Variants in TOP1MT observed in about 807,000 individuals in gnomAD.
The protein encoded by TOP1MT is DNA topoisomerase I mitochondrial, also known as DNA topoisomerase I, mitochondrial.
A neutral mutation model predicts 73.9 loss-of-function variants in TOP1MT; 80 were observed. The observed-to-expected ratio is 1.08, with a 90% CI of 0.90 to 1.30. The LOEUF (loss-of-function observed/expected upper bound fraction) is 1.30. Ranked by LOEUF, TOP1MT falls within the 50% of genes most tolerant of loss-of-function variation. The probability of loss-of-function intolerance (pLI) is 0.00; values close to 1 mark genes in which losing one functional copy is unlikely to be tolerated. For synonymous variants in TOP1MT, 338 were observed against 326.4 expected (o/e 1.04, Z -0.38); for missense variants, 815 against 808.0 (o/e 1.01, Z -0.10).
chr8:143,314,445 T>C (rs1816096512), intron 12 of TOP1MT, among the ~76,000 whole-genome samples: 1 of 151,848 alleles, frequency 6.6e-6, no homozygotes, highest in Non-Finnish European at 1.5e-5. Context: ...AATAAATAAA[T>C]GAGCCGGGCG....
At chr8:143,354,063 C>T (rs1209426663) in intron 1 of TOP1MT, among the ~76,000 whole-genome samples, 2 of 151,170 alleles carry the variant, frequency 1.3e-5, no homozygotes, top group East Asian at 1.9e-4. Context: ...GCTACATACC[C>T]GAAAGCACTG....
upstream of TOP1MT, among the ~76,000 whole-genome samples, chr8:143,337,876 T>A (rs545021616): frequency 6.6e-6 from 1 of 152,314 alleles, no homozygotes; most frequent in Admixed American, 6.5e-5. Context: ...GATTCCAGAC[T>A]TCTTATGAGG....
In TOP1MT at chr8:143,334,708, G is replaced by C. The variant is rs771683746; in HGVS notation, c.122+32C>G. The C allele has an allele frequency of 2.5e-6, 4 of 1,596,790 alleles. No homozygotes were observed. In the African/African-American group the frequency reaches 5.6e-5, roughly 22 times the overall value. ...GACCTACCCAAGCCCGGTGCTCAGG[G>C]CCCTCGCCGCCTGCTCACTGGGACA... is the stretch of plus-strand genomic sequence containing the variant. On this transcript the variant is annotated intron_variant, in intron 1 of 13. Coordinates refer to ENST00000329245, the MANE Select transcript of TOP1MT (RefSeq NM_052963.3).
Position 143,341,643 on chromosome 8 carries a change from C to T in TOP1MT, c.29+1577G>A, listed in dbSNP as rs1325438419. Among the ~76,000 whole-genome samples, 1 of 152,230 alleles carries T rather than the reference C, an allele frequency of 6.6e-6. No homozygotes were observed. The highest frequency in any genetic ancestry group is 2.4e-5 in the African/African-American group (1 of 41,464). ...TTGTGGCCTCTGTCAGGAGCAGAAA[C>T]CAAGGGCAATGAACAAAGGAGCCAG... On this transcript the variant is annotated intron_variant, in intron 2 of 5. Coordinates refer to the TOP1MT transcript ENST00000518007. This position sits in a 1 kb window ranked among gnomAD's most constrained non-coding sequence, Gnocchi z 4.1.
chr8:143,314,996 C>T (rs544057640), intron 12 of TOP1MT, among the ~76,000 whole-genome samples: 21 of 152,276 alleles, frequency 1.4e-4, no homozygotes, highest in African/African-American at 4.3e-4. Context: ...CTTGGTCTAG[C>T]GGTAACGCCA....
At position 143,318,207 on chromosome 8, in the gene TOP1MT, C is replaced by A. The variant is rs552440954; in HGVS notation, c.1147-121G>T. 1.2e-5 allele frequency: 10 copies of A among 807,428 alleles called. No homozygotes were observed. In the Admixed American group the frequency reaches 1.5e-4, roughly 12 times the overall value. The allele number at this position is 807,428 out of a possible 1,614,324, so 50.0% of individuals were successfully genotyped here. A position where few individuals can be genotyped will look rare whatever the true frequency, so the allele number is the denominator to read the frequency against. On this transcript the variant is annotated intron_variant, in intron 8 of 13. Coordinates refer to ENST00000329245, the MANE Select transcript of TOP1MT (RefSeq NM_052963.3). ...GCTTCCCTGAGGAAGGTGGCCCGAG[C>A]AGCATCACCGTCACCTGTCGGCATC...
Position 143,350,825 on chromosome 8 carries a change from T to G in TOP1MT, c.-39+5140A>C, listed in dbSNP as rs1284230775. On this transcript the variant is annotated intron_variant, in intron 1 of 5. Transcript: ENST00000518760. ...ACTTCAATTTAAATTTTTAGAAAACTTCCTATTTTGGAAAATTTCAAGCAC... is the reference window on the plus strand; with the variant it reads ...ACTTCAATTTAAATTTTTAGAAAACGTCCTATTTTGGAAAATTTCAAGCAC... Among the ~76,000 whole-genome samples, 3 of 152,218 alleles carry G rather than the reference T, an allele frequency of 2.0e-5. No homozygotes were observed. In the South Asian group the frequency reaches 6.2e-4, roughly 31 times the overall value.
intron 10 of TOP1MT, among the ~76,000 whole-genome samples, chr8:143,317,497 G>A (rs1376779970): frequency 1.3e-5 from 2 of 152,184 alleles, no homozygotes; most frequent in African/African-American, 4.8e-5. Flanking sequence ...CGCCCCGCAG[G>A]GAGAACGTGG....
chr8:143,357,482 T>C (rs1031092241), upstream of TOP1MT, among the ~76,000 whole-genome samples: 4 of 149,784 alleles, frequency 2.7e-5, no homozygotes, highest in Non-Finnish European at 4.4e-5. Context: ...AGATTGTGAG[T>C]TTAAAAATGA....
chr8:143,325,481 A>G lies in TOP1MT; in HGVS notation c.536T>C (p.Leu179Ser), dbSNP rs763983351. ...KLQQEFGYCI[L>S]DGHQEKIGNF... ...GCCTATTTTTTCTTGGTGACCATCTAAAATACAGTAGCCGAACTCTTGCTG... is the reference window on the plus strand; with the variant it reads ...GCCTATTTTTTCTTGGTGACCATCTGAAATACAGTAGCCGAACTCTTGCTG... The change falls in exon 5 of 14, where the codon TTA becomes TCA. Residue 179 changes from leucine to serine, a missense_variant. Physicochemically the swap from Leu to Ser is moderately radical, Grantham distance 145. Transcript: ENST00000329245. 6.2e-7 allele frequency: 1 copy of G among 1,612,858 alleles called. No individual in the cohort carries two copies. Among genetic ancestry groups the G allele is most frequent in the Non-Finnish European group, 8.5e-7 (1 of 1,179,002 alleles).
At chr8:143,317,896 G>A (rs758925178) in intron 9 of TOP1MT, 59 bp from the exon 10 acceptor site, 28 of 1,595,232 alleles carry the variant, frequency 1.8e-5, no homozygotes, top group South Asian at 8.8e-5. Context: ...CCAGCCTCCC[G>A]CGGGAAGGAA....
intron 7 of TOP1MT, among the ~76,000 whole-genome samples, chr8:143,321,843 ACGCACGC>A (rs1816406620): frequency 9.2e-5 from 10 of 108,730 alleles, no homozygotes; most frequent in African/African-American, 3.7e-4. Flanking sequence ...CACACGCCAC[ACGCACGC>A]CACACACGCA....
At chr8:143,336,222 G>A (rs1008932415), upstream of TOP1MT, among the ~76,000 whole-genome samples, 15 of 152,146 alleles carry the variant, frequency 9.9e-5, no homozygotes, top group African/African-American at 3.4e-4. Flanking sequence ...GGCTGGTCTC[G>A]AACTCCTGGG....
At chr8:143,312,675 A>T (rs12156025) in intron 12 of TOP1MT, among the ~76,000 whole-genome samples, 57,391 of 152,144 alleles carry the variant, frequency 0.38, 13,536 homozygotes, top group East Asian at 0.69. Context: ...CTGCCCACTC[A>T]TGTCCAGTGT....
chr8:143,323,670 G>A (rs1320360063), intron 7 of TOP1MT, among the ~76,000 whole-genome samples: 2 of 39,150 alleles, frequency 5.1e-5, no homozygotes, highest in African/African-American at 1.4e-4. Context: ...CACCACACAC[G>A]CACGCCACAC....
chr8:143,357,481 G>C (rs1465067874), upstream of TOP1MT, among the ~76,000 whole-genome samples: 1 of 151,400 alleles, frequency 6.6e-6, no homozygotes, highest in Non-Finnish European at 1.5e-5. Context: ...AAGATTGTGA[G>C]TTTAAAAATG....
At chr8:143,325,599 T>A in intron 4 of TOP1MT, 66 bp from the exon 5 acceptor site, 1 of 1,492,380 alleles carries the variant, frequency 6.7e-7, no homozygotes, top group Non-Finnish European at 9.2e-7. Context: ...CAGTCCGTTG[T>A]TGCTAACCCG....
rs772952475 is a variant in TOP1MT at position 143,324,014 on chromosome 8, C to T, written c.945G>A (p.Leu315=). 4 of 1,613,816 alleles carry T rather than the reference C, an allele frequency of 2.5e-6. No individual in the cohort carries two copies. The African/African-American group carries it at 4.0e-5, about 16-fold the overall frequency. The part of the protein sequence containing the change: ...EMKTRQRAVA[L]YFIDKLALRA... The stretch of plus-strand genomic sequence containing the variant: ...GGCCGCATACCTTATCGATGAAATA[C>T]AGGGCCACCGCCCGCTGTCTCGTCT... Residue 315 remains leucine (L), a synonymous_variant, in exon 7 of 14, where the codon CTG becomes CTA. Coordinates refer to ENST00000329245, the MANE Select transcript of TOP1MT (RefSeq NM_052963.3).
chr8:143,357,791 C>G (rs1288246691), upstream of TOP1MT, among the ~76,000 whole-genome samples: 1 of 151,722 alleles, frequency 6.6e-6, no homozygotes, highest in East Asian at 1.9e-4. Context: ...TGTGGTGGCA[C>G]ACGACTGTAG....
Sources: allele counts gnomAD v4.1 joint callset (sites outside exome capture counted in the v4.1 genomes callset), GRCh38; gene constraint gnomAD v4.1.1; non-coding constraint Gnocchi (gnomAD v3.1); transcripts MANE v1.5; gene names NCBI Gene and HGNC (gene_info 2026-07-23, HGNC 2026-07-21).